RAB4B: variants seen among roughly 807,000 people sequenced by gnomAD.
The protein encoded by RAB4B is RAB4B, member RAS oncogene family, also known as ras-related protein Rab-4B.
RAB4B carries 15 observed loss-of-function variants against 28.3 expected under a neutral mutation model. The observed-to-expected ratio is 0.53, with a 90% confidence interval of 0.35 to 0.82. The LOEUF (loss-of-function observed/expected upper bound fraction) is 0.82, where lower values mean the gene tolerates loss of function less well. RAB4B is among the 40% of genes least tolerant of loss of function. RAB4B has a pLI of 0.01. For missense variants in RAB4B, 244 were observed against 288.5 expected, an observed-to-expected ratio of 0.85 and a Z score of 1.12; for synonymous variants, 108 against 116.3, an observed-to-expected ratio of 0.93 and a Z score of 0.46.
chr19:40,792,677 T>C (rs1198948332), intron 7 of RAB4B: 1 of 152,240 alleles, frequency 6.6e-6, no homozygotes, highest in Non-Finnish European at 1.5e-5. Flanking sequence ...TCACATAACA[T>C]ACATTTACGT....
chr19:40,782,020 C>CA (rs56884543), intron 3 of RAB4B, among the ~76,000 whole-genome samples: 9,504 of 108,494 alleles, frequency 0.088, 636 homozygotes, highest in African/African-American at 0.2. Context: ...GGCTCCGTTT[C>CA]AAAAAAAAAA....
intron 5 of RAB4B, among the ~76,000 whole-genome samples, chr19:40,784,444 G>C (rs117604984): frequency 6.6e-6 from 1 of 152,128 alleles, no homozygotes; most frequent in Non-Finnish European, 1.5e-5. Flanking sequence ...AGTGAGCTGT[G>C]ATCACGCCAT....
chr19:40,787,843 T>G (rs1396556648), intron 7 of RAB4B, among the ~76,000 whole-genome samples: 1 of 150,434 alleles, frequency 6.6e-6, no homozygotes, highest in East Asian at 2.0e-4. Flanking sequence ...ATGCCTATAG[T>G]CCCAGCTACT....
chr19:40,782,584 G>A (rs890868768), intron 3 of RAB4B, among the ~76,000 whole-genome samples: 5 of 151,996 alleles, frequency 3.3e-5, no homozygotes, highest in Non-Finnish European at 7.4e-5. Flanking sequence ...AGGCCTAGGC[G>A]GGCAGATCAC....
chr19:40,792,600 A>G (rs930626819), intron 7 of RAB4B: 1 of 152,210 alleles, frequency 6.6e-6, no homozygotes, highest in African/African-American at 2.4e-5. Context: ...TCCCACCCAC[A>G]TATAAAACTC....
chr19:40,788,750 C>T (rs1273636068), intron 7 of RAB4B, among the ~76,000 whole-genome samples: 1 of 143,358 alleles, frequency 7.0e-6, no homozygotes, highest in Non-Finnish European at 1.5e-5. Flanking sequence ...CCATGCCTGG[C>T]TAATTTTTTT....
At chr19:40,778,447 C>A in intron 1 of RAB4B, 56 bp downstream of exon 1, 1 of 1,396,602 alleles carries the variant, frequency 7.2e-7, no homozygotes, top group Non-Finnish European at 9.3e-7. Flanking sequence ...AGGATGCGGC[C>A]TGTGGGAATG....
rs762477980 is a variant in RAB4B at position 40,786,986 on chromosome 19, A to G, written c.*15+8A>G. 3.7e-5 allele frequency: 59 copies of G among 1,609,886 alleles called. No individual in the cohort carries two copies. The Admixed American group carries it at 9.7e-4, about 26-fold the overall frequency. ...TGAGCTCTGTGGAGCCAGGTGGGACACTGGGGGCTTTAGGGAGGCAGGGCG... is the reference window on the plus strand; with the variant it reads ...TGAGCTCTGTGGAGCCAGGTGGGACGCTGGGGGCTTTAGGGAGGCAGGGCG... On this transcript the variant is annotated splice_region_variant and intron_variant, in intron 7 of 7. Transcript: ENST00000357052.
At chr19:40,792,431 C>T (rs1349327177) in intron 7 of RAB4B, 4 of 152,244 alleles carry the variant, frequency 2.6e-5, no homozygotes, top group Non-Finnish European at 5.9e-5. Flanking sequence ...ATGGGTGTGT[C>T]TTCTTCACCT....
chr19:40,778,286 G>T lies in RAB4B; in HGVS notation c.-90G>T. On this transcript the variant is annotated 5_prime_UTR_variant, in exon 1 of 8. Transcript: ENST00000357052. ...CGGGCCCGGGGAGTAGGAAGGAGCC[G>T]GGGCTGTAGCCGGAGTGGAGCGGCT... 1 of 1,316,102 alleles carries T rather than the reference G, an allele frequency of 7.6e-7. No homozygotes were observed. The highest frequency in any genetic ancestry group is 1.0e-6 in the Non-Finnish European group (1 of 978,666). 81.5% of individuals were successfully genotyped at this position (1,316,102 alleles called of 1,614,324 possible). A position where few individuals can be genotyped will look rare whatever the true frequency, so the allele number is the denominator to read the frequency against.
rs529229100 is a variant in RAB4B at position 40,783,510 on chromosome 19, G to C, written c.213-268G>C. ...AAAAACAGACGAATGGAAAGATAGGGACACAGGGAGAGACAAAAATGGAGA... is the reference window on the plus strand; with the variant it reads ...AAAAACAGACGAATGGAAAGATAGGCACACAGGGAGAGACAAAAATGGAGA... On this transcript the variant is annotated intron_variant, in intron 3 of 7. Transcript: ENST00000357052. Among the ~76,000 whole-genome samples, 13 of 152,278 alleles carry C rather than the reference G, an allele frequency of 8.5e-5. No homozygotes were observed. The East Asian group carries it at 2.5e-3, about 29-fold the overall frequency.
intron 5 of RAB4B, among the ~76,000 whole-genome samples, chr19:40,784,752 T>A (rs538534887): frequency 5.3e-5 from 8 of 152,202 alleles, no homozygotes; most frequent in Non-Finnish European, 1.0e-4. Context: ...AAATTAATTA[T>A]TTTATTTATT....
intron 3 of RAB4B, among the ~76,000 whole-genome samples, chr19:40,781,274 G>A (rs541837169): frequency 2.0e-5 from 3 of 150,674 alleles, no homozygotes; most frequent in East Asian, 1.9e-4. Flanking sequence ...GTGACAGAGC[G>A]AGACTCTGTC....
In RAB4B at chr19:40,787,011, G is replaced by A. The variant is rs575589595; in HGVS notation, c.*15+33G>A. 10 of 1,556,578 alleles carry A rather than the reference G, an allele frequency of 6.4e-6. No homozygotes were observed. The South Asian group carries it at 9.0e-5, about 14-fold the overall frequency. ...ACTGGGGGCTTTAGGGAGGCAGGGC[G>A]GCCTCTTGGGCATGGGGGAGATGGT... On this transcript the variant is annotated intron_variant, in intron 7 of 7. Coordinates refer to ENST00000357052, the MANE Select transcript of RAB4B (RefSeq NM_016154.5).
At chr19:40,780,986 G>C (rs1419738823) in intron 3 of RAB4B, among the ~76,000 whole-genome samples, 4 of 151,430 alleles carry the variant, frequency 2.6e-5, no homozygotes, top group African/African-American at 9.7e-5. Context: ...TGATAAGGGA[G>C]GTAAGGAGGC....
chr19:40,787,305 C>A (rs1419276184), intron 7 of RAB4B, among the ~76,000 whole-genome samples: 1 of 151,916 alleles, frequency 6.6e-6, no homozygotes, highest in Non-Finnish European at 1.5e-5. Flanking sequence ...AAGGCCGAGG[C>A]GGGCGGATGA....
At chr19:40,778,477 G>A (rs2083016245) in intron 1 of RAB4B, 86 bp downstream of exon 1, 2 of 1,312,928 alleles carry the variant, frequency 1.5e-6, no homozygotes, top group Non-Finnish European at 2.0e-6. Context: ...TTGTAGATCA[G>A]GGGGCGGGGT....
chr19:40,779,983 CT>C, intron 1 of RAB4B, 35 bp from the exon 2 acceptor site: 1 of 1,610,072 alleles, frequency 6.2e-7, no homozygotes, highest in Non-Finnish European at 8.5e-7. Context: ...CTTTCTCTCC[CT>C]GTGGGTATCC....
chr19:40,791,461 C>T (rs975110293), intron 7 of RAB4B, among the ~76,000 whole-genome samples: 5 of 152,128 alleles, frequency 3.3e-5, no homozygotes, highest in East Asian at 1.9e-4. Context: ...CCAGCCTTAC[C>T]GGCCTCAGCC....
Sources: gnomAD v4.1 joint callset for allele counts (sites outside exome capture counted in the v4.1 genomes callset) on GRCh38, gnomAD v4.1.1 for gene constraint, MANE v1.5 for transcripts, NCBI Gene and HGNC (gene_info 2026-07-23, HGNC 2026-07-21) for gene names.